KCNJ3: variants seen among roughly 807,000 people sequenced by gnomAD.
KCNJ3 encodes potassium inwardly rectifying channel subfamily J member 3, also known as G protein-activated inward rectifier potassium channel 1.
KCNJ3 carries 4 observed loss-of-function variants against 39.2 expected under a neutral mutation model. The observed-to-expected ratio is 0.10, with a 90% CI of 0.05 to 0.23. The LOEUF (loss-of-function observed/expected upper bound fraction) is 0.23. Ranked by LOEUF, KCNJ3 falls within the 10% of genes least tolerant of loss-of-function variation. The probability of loss-of-function intolerance (pLI) is 1.00; values close to 1 mark genes in which losing one functional copy is unlikely to be tolerated. For missense variants in KCNJ3, 276 were observed against 634.9 expected (o/e 0.43, Z 6.08); for synonymous variants, 230 against 237.4 (o/e 0.97, Z 0.29).
chr2:154,849,322 T>G (rs1687716126), intron 2 of KCNJ3, among the ~76,000 whole-genome samples: 1 of 151,098 alleles, frequency 6.6e-6, no homozygotes, highest in Admixed American at 6.6e-5. Flanking sequence ...TTCTGTTTTT[T>G]GTTTTGTTTT....
At chr2:154,777,515 C>T (rs887356588) in intron 2 of KCNJ3, among the ~76,000 whole-genome samples, 8 of 152,098 alleles carry the variant, frequency 5.3e-5, no homozygotes, top group South Asian at 2.1e-4. Context: ...CTTTTGTTTC[C>T]GCTTCGCTTT....
intron 2 of KCNJ3, among the ~76,000 whole-genome samples, chr2:154,723,977 T>C (rs915870693): frequency 2.6e-5 from 4 of 152,176 alleles, no homozygotes; most frequent in Non-Finnish European, 5.9e-5. Context: ...AGCATTTGAA[T>C]CACCCAATTA....
Position 154,791,522 on chromosome 2 carries a change from C to T in KCNJ3, c.920-63205C>T, listed in dbSNP as rs142933482. 1.2e-3 allele frequency among the ~76,000 whole-genome samples: 184 copies of T among 151,970 alleles called. 2 individuals are homozygous for T. The highest frequency in any genetic ancestry group is 4.3e-3 in the African/African-American group (180 of 41,468). On this transcript the variant is annotated intron_variant, in intron 2 of 2. Transcript: ENST00000295101. Reference sequence around the variant, plus strand: ...TTCACACAGTTAGTGGATGGCAAGGCCAGATTTTGAAGCTAGACACTGACC... The same window carrying T: ...TTCACACAGTTAGTGGATGGCAAGGTCAGATTTTGAAGCTAGACACTGACC...
chr2:154,797,533 A>G (rs79081270), intron 2 of KCNJ3, among the ~76,000 whole-genome samples: 4,715 of 152,210 alleles, frequency 0.031, 109 homozygotes, highest in Non-Finnish European at 0.049. Flanking sequence ...AAACACGTTT[A>G]GTTTTGATAT....
At chr2:154,774,974 G>A (rs774010699) in intron 2 of KCNJ3, among the ~76,000 whole-genome samples, 7 of 152,144 alleles carry the variant, frequency 4.6e-5, no homozygotes, top group Non-Finnish European at 1.0e-4. Context: ...GAGTGCAGTG[G>A]CACGATCATG....
intron 2 of KCNJ3, among the ~76,000 whole-genome samples, chr2:154,844,396 C>T (rs762167660): frequency 6.6e-6 from 1 of 152,230 alleles, no homozygotes. Flanking sequence ...TTAGGCTACA[C>T]AGGAGACAGG....
intron 2 of KCNJ3, among the ~76,000 whole-genome samples, chr2:154,747,376 T>G (rs1685766354): frequency 6.6e-6 from 1 of 152,080 alleles, no homozygotes; most frequent in African/African-American, 2.4e-5. Flanking sequence ...TTAATTAACA[T>G]TCTACTTCAT....
intron 2 of KCNJ3, among the ~76,000 whole-genome samples, chr2:154,763,756 C>G (rs114231574): frequency 6.6e-6 from 1 of 152,284 alleles, no homozygotes; most frequent in East Asian, 1.9e-4. Context: ...CTTCTAGCTT[C>G]TAGCTGCTAG....
intron 2 of KCNJ3, among the ~76,000 whole-genome samples, chr2:154,710,531 T>A (rs1308624845): frequency 6.6e-6 from 1 of 152,112 alleles, no homozygotes; most frequent in Non-Finnish European, 1.5e-5. Context: ...TATGAGCATA[T>A]TATTTGGGGC....
At chr2:154,770,801 A>G (rs1193920399) in intron 2 of KCNJ3, among the ~76,000 whole-genome samples, 1 of 152,054 alleles carries the variant, frequency 6.6e-6, no homozygotes, top group Non-Finnish European at 1.5e-5. Context: ...TGCAAAAAGA[A>G]TTTGATTTAT....
intron 2 of KCNJ3, among the ~76,000 whole-genome samples, chr2:154,773,664 C>T (rs1686282154): frequency 6.6e-6 from 1 of 152,028 alleles, no homozygotes; most frequent in Admixed American, 6.6e-5. Context: ...TATTTTAATG[C>T]TCTTTTAATA....
intron 2 of KCNJ3, among the ~76,000 whole-genome samples, chr2:154,812,341 CT>C (rs1319276055): frequency 3.3e-5 from 5 of 152,042 alleles, no homozygotes; most frequent in Non-Finnish European, 5.9e-5. Context: ...GACAGACTGC[CT>C]TGTCATGGTG....
intron 2 of KCNJ3, among the ~76,000 whole-genome samples, chr2:154,759,534 A>T (rs1284401398): frequency 6.6e-6 from 1 of 151,972 alleles, no homozygotes; most frequent in East Asian, 1.9e-4. Flanking sequence ...TATTGCTTGA[A>T]ATATTTGTTT....
intron 2 of KCNJ3, among the ~76,000 whole-genome samples, chr2:154,791,239 G>A (rs751666168): frequency 4.0e-5 from 6 of 149,298 alleles, no homozygotes; most frequent in Admixed American, 6.6e-5. Flanking sequence ...TCTGAAAGCC[G>A]TTAAACTGCT....
intron 2 of KCNJ3, among the ~76,000 whole-genome samples, chr2:154,784,248 G>C (rs1305124090): frequency 6.6e-6 from 1 of 152,168 alleles, no homozygotes; most frequent in Non-Finnish European, 1.5e-5. Flanking sequence ...TTTAGATTTA[G>C]CTTATCTATC....
At chr2:154,844,749 C>T (rs1018514480) in intron 2 of KCNJ3, among the ~76,000 whole-genome samples, 18 of 152,274 alleles carry the variant, frequency 1.2e-4, no homozygotes, top group Middle Eastern at 6.8e-3. Flanking sequence ...TGGAACCCTC[C>T]GAGGCAGGCA....
chr2:154,779,532 G>T (rs568766774), intron 2 of KCNJ3, among the ~76,000 whole-genome samples: 3 of 142,918 alleles, frequency 2.1e-5, no homozygotes, highest in Admixed American at 7.2e-5. Flanking sequence ...TATATATATA[G>T]TTATATATAT....
chr2:154,752,422 A>G (rs1685861985), intron 2 of KCNJ3, among the ~76,000 whole-genome samples: 1 of 152,032 alleles, frequency 6.6e-6, no homozygotes, highest in African/African-American at 2.4e-5. Context: ...AATGAAATGT[A>G]TGGAGCTTTA....
intron 2 of KCNJ3, among the ~76,000 whole-genome samples, chr2:154,764,949 C>A (rs1426537871): frequency 2.0e-5 from 3 of 152,164 alleles, no homozygotes; most frequent in African/African-American, 4.8e-5. Flanking sequence ...CTCCACCCCC[C>A]AAACATACAC....
Sources: allele counts gnomAD v4.1 joint callset (sites outside exome capture counted in the v4.1 genomes callset), GRCh38; gene constraint gnomAD v4.1.1; transcripts MANE v1.5; gene names NCBI Gene and HGNC (gene_info 2026-07-23, HGNC 2026-07-21).